Variants in ME3 observed in about 807,000 individuals in gnomAD.
ME3 encodes NADP-dependent malic enzyme, mitochondrial.
In ME3, 48 loss-of-function variants were observed where a neutral mutation model predicts 68.9. The observed-to-expected ratio is 0.70, with a 90% CI of 0.55 to 0.89. ME3 has a LOEUF of 0.89. ME3 is among the 40% of genes least tolerant of loss of function. ME3 has a pLI of 0.00. For synonymous variants in ME3, 320 were observed against 318.8 expected (o/e 1.00, Z -0.04); for missense variants, 675 against 797.4 (o/e 0.85, Z 1.85).
intron 7 of ME3, among the ~76,000 whole-genome samples, chr11:86,480,355 G>A (rs1022518727): frequency 5.3e-5 from 8 of 152,202 alleles, no homozygotes; most frequent in African/African-American, 1.7e-4. Flanking sequence ...ATTCCCTCAC[G>A]GGATAAGTAT....
At chr11:86,633,137 C>T (rs896803363) in intron 2 of ME3, among the ~76,000 whole-genome samples, 1 of 152,206 alleles carries the variant, frequency 6.6e-6, no homozygotes. Flanking sequence ...TGCTTATTCT[C>T]TGGTCACAGA....
chr11:86,620,902 A>AC (rs1237848928), intron 2 of ME3, among the ~76,000 whole-genome samples: 2 of 152,080 alleles, frequency 1.3e-5, no homozygotes, highest in African/African-American at 4.8e-5. Flanking sequence ...GATCCATCTG[A>AC]CCTAGGCCCA....
At chr11:86,479,822 C>CT (rs72568900) in intron 7 of ME3, among the ~76,000 whole-genome samples, 4,790 of 147,404 alleles carry the variant, frequency 0.032, 100 homozygotes, top group African/African-American at 0.044. Flanking sequence ...TTTTTTCTTT[C>CT]TTTTTTTTTT....
chr11:86,491,733 G>T (rs1179808610), intron 6 of ME3, among the ~76,000 whole-genome samples: 2 of 152,202 alleles, frequency 1.3e-5, no homozygotes, highest in Admixed American at 6.5e-5. Context: ...TAGAGGAGAA[G>T]ATTTCAGCAG....
At chr11:86,610,604 C>G (rs953474744) in intron 2 of ME3, among the ~76,000 whole-genome samples, 1 of 149,248 alleles carries the variant, frequency 6.7e-6, no homozygotes, top group African/African-American at 2.5e-5. Flanking sequence ...CCTTGCTGCT[C>G]AGGGTGGCTG....
chr11:86,508,645 G>T, intron 5 of ME3, 147 bp downstream of exon 5: 1 of 688,520 alleles, frequency 1.5e-6, no homozygotes, highest in Non-Finnish European at 2.6e-6. Flanking sequence ...TTTGTACTTG[G>T]CTATAACAGG....
At chr11:86,580,426 T>C (rs1449837914) in intron 2 of ME3, among the ~76,000 whole-genome samples, 1 of 152,230 alleles carries the variant, frequency 6.6e-6, no homozygotes, top group Non-Finnish European at 1.5e-5. Context: ...TAGCTTGTTC[T>C]AAATTAATGC....
At chr11:86,574,723 C>T (rs1957997527) in intron 2 of ME3, among the ~76,000 whole-genome samples, 1 of 152,342 alleles carries the variant, frequency 6.6e-6, no homozygotes, top group East Asian at 1.9e-4. Context: ...AACTGCTAGG[C>T]TTCCCATGTG....
At chr11:86,445,997 G>A (rs1949263998) in intron 13 of ME3, among the ~76,000 whole-genome samples, 1 of 152,078 alleles carries the variant, frequency 6.6e-6, no homozygotes, top group Admixed American at 6.6e-5. Flanking sequence ...TGGCTTTGAT[G>A]GCATCTCTTC....
chr11:86,648,769 C>T (rs1945204932), intron 2 of ME3, among the ~76,000 whole-genome samples: 1 of 151,738 alleles, frequency 6.6e-6, no homozygotes, highest in Non-Finnish European at 1.5e-5. Flanking sequence ...ATACACCCTC[C>T]CAAGAAGACA....
chr11:86,497,916 GT>G (rs767631336), intron 6 of ME3, 46 bp downstream of exon 6: 1 of 1,537,066 alleles, frequency 6.5e-7, no homozygotes, highest in Non-Finnish European at 8.8e-7. Context: ...CCCTGTCCCA[GT>G]TGCCACCTTT....
intron 7 of ME3, among the ~76,000 whole-genome samples, chr11:86,482,776 A>G (rs765904591): frequency 4.4e-4 from 67 of 151,596 alleles, no homozygotes; most frequent in Non-Finnish European, 8.7e-4. Context: ...AGACCCTAAG[A>G]CTCAATGGAA....
chr11:86,601,738 CA>C (rs1393346234), intron 2 of ME3, among the ~76,000 whole-genome samples: 2 of 151,860 alleles, frequency 1.3e-5, no homozygotes, highest in African/African-American at 4.8e-5. Flanking sequence ...AGCAGCACAT[CA>C]AAAAGCTTAT....
intron 4 of ME3, among the ~76,000 whole-genome samples, chr11:86,553,965 GT>G (rs1179944981): frequency 1.3e-5 from 2 of 152,190 alleles, no homozygotes; most frequent in Non-Finnish European, 2.9e-5. Flanking sequence ...TATAAACTAT[GT>G]GTGACTTTGG....
intron 2 of ME3, among the ~76,000 whole-genome samples, chr11:86,569,348 C>T (rs145963397): frequency 3.3e-4 from 50 of 152,310 alleles, no homozygotes; most frequent in African/African-American, 1.2e-3. Flanking sequence ...TGCGCTTTGA[C>T]TCACACCAGC....
At chr11:86,538,080 C>T (rs1440146914) in intron 4 of ME3, among the ~76,000 whole-genome samples, 26 of 152,230 alleles carry the variant, frequency 1.7e-4, no homozygotes, top group Non-Finnish European at 3.8e-4. Context: ...GAGACTGATG[C>T]ACATAGACTC....
chr11:86,487,017 A>G (rs1007704574), intron 7 of ME3, among the ~76,000 whole-genome samples: 46 of 152,120 alleles, frequency 3.0e-4, no homozygotes, highest in Non-Finnish European at 5.7e-4. Flanking sequence ...AACATCCCTA[A>G]TTGTGCTGAG....
At chr11:86,548,622 T>C (rs563487399) in intron 4 of ME3, among the ~76,000 whole-genome samples, 3 of 152,312 alleles carry the variant, frequency 2.0e-5, no homozygotes, top group African/African-American at 7.2e-5. Context: ...CTTTTGCATT[T>C]TCCTCCCTTA....
At chr11:86,462,479 C>A (rs951012279) in intron 8 of ME3, 2 of 872,628 alleles carry the variant, frequency 2.3e-6, no homozygotes, top group Admixed American at 6.2e-5. Context: ...GTAACCACCA[C>A]CTTTGTTCAA....
Sources: allele counts gnomAD v4.1 joint callset (sites outside exome capture counted in the v4.1 genomes callset), GRCh38; gene constraint gnomAD v4.1.1; transcripts MANE v1.5; gene names NCBI Gene and HGNC (gene_info 2026-07-23, HGNC 2026-07-21).